VPS37A: variants seen among roughly 807,000 people sequenced by gnomAD.
VPS37A encodes the protein vacuolar protein sorting-associated protein 37A.
In VPS37A, 30 loss-of-function variants were observed where a neutral mutation model predicts 49.8. The observed-to-expected ratio is 0.60, with a 90% CI of 0.45 to 0.82. The LOEUF (loss-of-function observed/expected upper bound fraction) is 0.82, where lower values mean the gene tolerates loss of function less well. VPS37A is among the 40% of genes least tolerant of loss of function. The pLI is 0.00. For missense variants in VPS37A, 593 were observed against 464.4 expected, an observed-to-expected ratio of 1.28 and a Z score of -2.55; for synonymous variants, 195 against 160.6, an observed-to-expected ratio of 1.21 and a Z score of -1.62.
intron 2 of VPS37A, among the ~76,000 whole-genome samples, chr8:17,267,319 C>G (rs1341103727): frequency 6.6e-6 from 1 of 152,114 alleles, no homozygotes; most frequent in Non-Finnish European, 1.5e-5. Flanking sequence ...TCTGAACCAT[C>G]AGGGGAACAA....
intron 11 of VPS37A, among the ~76,000 whole-genome samples, chr8:17,294,706 T>TA: frequency 6.6e-6 from 1 of 152,264 alleles, no homozygotes; most frequent in African/African-American, 2.4e-5. Context: ...CCCTTGCACT[T>TA]ACCGGGTGAG....
In VPS37A at chr8:17,265,573, C is replaced by T. The variant is rs1813372214; in HGVS notation, c.126-334C>T. On this transcript the variant is annotated intron_variant, in intron 1 of 11. Transcript: ENST00000324849. ...GTTAAAACCCAGATGGATTGCTCAT[C>T]TGTATTAACCGGAGAGCACACAATT... 2.0e-5 allele frequency among the ~76,000 whole-genome samples: 3 copies of T among 152,194 alleles called. No individual in the cohort carries two copies. In the South Asian group the frequency reaches 6.2e-4, roughly 32 times the overall value.
chr8:17,294,710 G>A (rs188133861), intron 11 of VPS37A, among the ~76,000 whole-genome samples: 13 of 152,256 alleles, frequency 8.5e-5, no homozygotes, highest in Admixed American at 2.0e-4. Context: ...TGCACTTACC[G>A]GGTGAGGCAA....
In VPS37A at chr8:17,297,761, A is replaced by G. The variant is rs1816803110; in HGVS notation, c.*2775A>G. 6.6e-6 allele frequency: 1 copy of G among 152,142 alleles called. No individual in the cohort carries two copies. Among genetic ancestry groups the G allele is most frequent in the Middle Eastern group, 3.4e-3 (1 of 294 alleles). 9.4% of individuals were successfully genotyped at this position (152,142 alleles called of 1,614,324 possible). On this transcript the variant is annotated 3_prime_UTR_variant, in exon 12 of 12. Coordinates refer to ENST00000324849, the MANE Select transcript of VPS37A (RefSeq NM_152415.3). ...ATATTTTAGTCTTGTTGGGTTAGCC[A>G]TGCTCTGAAGAATCTGTGAAAGTAC...
chr8:17,319,232 C>T, the VPS37A span, among the ~76,000 whole-genome samples: 237 of 152,260 alleles, frequency 1.6e-3, 1 homozygote, highest in African/African-American at 5.5e-3. Flanking sequence ...TACTGAGCCT[C>T]GCTGTCTTCA....
chr8:17,331,234 C>A, the VPS37A span: 1 of 1,612,276 alleles, frequency 6.2e-7, no homozygotes, highest in Non-Finnish European at 8.5e-7. Flanking sequence ...GAATAATTGT[C>A]TTCATTCTCA....
chr8:17,279,846 C>G (rs1043961401), intron 6 of VPS37A, 182 bp from the exon 7 acceptor site: 2 of 729,044 alleles, frequency 2.7e-6, no homozygotes, highest in Non-Finnish European at 4.7e-6. Flanking sequence ...ACAGACTGCT[C>G]TATGTTCCAT....
chr8:17,306,166 G>A (rs770178033), downstream of VPS37A, among the ~76,000 whole-genome samples: 28 of 152,160 alleles, frequency 1.8e-4, no homozygotes, highest in South Asian at 1.0e-3. Flanking sequence ...GAAGGGATGC[G>A]TTCACGTTAT....
At position 17,297,570 on chromosome 8, in the gene VPS37A, T is replaced by TCAA. The variant is rs1341137407; in HGVS notation, c.*2586_*2588dup. 2 of 151,992 alleles carry TCAA rather than the reference T, an allele frequency of 1.3e-5. No individual in the cohort carries two copies. Among genetic ancestry groups the TCAA allele is most frequent in the East Asian group, 1.9e-4 (1 of 5,202 alleles). The allele number at this position is 151,992 out of a possible 1,614,324, so 9.4% of individuals were successfully genotyped here. A position where few individuals can be genotyped will look rare whatever the true frequency, so the allele number is the denominator to read the frequency against. On this transcript the variant is annotated 3_prime_UTR_variant, in exon 12 of 12. Transcript: ENST00000324849. Reference sequence around the variant, plus strand: ...AAAATTCTTACCTATTTATTTCATATCAACTTTAAAAAATAAATTACTTGC... The same window carrying TCAA: ...AAAATTCTTACCTATTTATTTCATATCAACAACTTTAAAAAATAAATTACTTGC...
chr8:17,247,017 C>G lies in VPS37A; in HGVS notation c.-228C>G, dbSNP rs947723408. 24 of 592,456 alleles carry G rather than the reference C, an allele frequency of 4.1e-5. No homozygotes were observed. The highest frequency in any genetic ancestry group is 3.4e-4 in the African/African-American group (18 of 53,250). The allele number at this position is 592,456 out of a possible 1,614,324, so 36.7% of individuals were successfully genotyped here. A position where few individuals can be genotyped will look rare whatever the true frequency, so the allele number is the denominator to read the frequency against. ...GGCGTCTGGGCCGTGAAGGTGGGAC[C>G]TCCTGTTCCGGGCCGCAAGTTTCCC... is the stretch of plus-strand genomic sequence containing the variant. On this transcript the variant is annotated 5_prime_UTR_variant, in exon 1 of 12. Transcript: ENST00000324849.
intron 4 of VPS37A, 143 bp downstream of exon 4, chr8:17,269,099 C>T: frequency 1.7e-6 from 1 of 600,626 alleles, no homozygotes; most frequent in East Asian, 3.0e-5. Flanking sequence ...TCAGAGGCAA[C>T]TGTTTTACTC....
the VPS37A span, among the ~76,000 whole-genome samples, chr8:17,325,234 C>G: frequency 6.6e-6 from 1 of 152,076 alleles, no homozygotes; most frequent in African/African-American, 2.4e-5. Flanking sequence ...GGCACCTTGG[C>G]AGGGAGACTA....
intron 11 of VPS37A, among the ~76,000 whole-genome samples, chr8:17,288,137 C>CA (rs775271627): frequency 4.6e-5 from 7 of 152,196 alleles, no homozygotes; most frequent in Non-Finnish European, 8.8e-5. Context: ...GAAGTAGACA[C>CA]AGAGTAGTTG....
the VPS37A span, among the ~76,000 whole-genome samples, chr8:17,318,051 A>C: frequency 6.6e-6 from 1 of 152,026 alleles, no homozygotes; most frequent in Non-Finnish European, 1.5e-5. Context: ...GACTCCCTAC[A>C]TCAAACTGAG....
At chr8:17,293,905 T>A (rs1816370921) in intron 11 of VPS37A, among the ~76,000 whole-genome samples, 1 of 152,204 alleles carries the variant, frequency 6.6e-6, no homozygotes, top group Admixed American at 6.5e-5. Flanking sequence ...CTGGGAGGTG[T>A]CTGCCTGTCA....
chr8:17,257,723 G>C (rs1005145049), intron 1 of VPS37A, among the ~76,000 whole-genome samples: 12 of 152,224 alleles, frequency 7.9e-5, no homozygotes, highest in African/African-American at 2.6e-4. Context: ...AATTTGCTTT[G>C]GGTAGTATTG....
rs1208154316 is a variant in VPS37A, at chr8:17,280,582, G to T, written c.969+139G>T. 6 of 712,310 alleles carry T rather than the reference G, an allele frequency of 8.4e-6. No individual in the cohort carries two copies. In the East Asian group the frequency reaches 1.4e-4, roughly 17 times the overall value. The allele number at this position is 712,310 out of a possible 1,614,324, so 44.1% of individuals were successfully genotyped here. On this transcript the variant is annotated intron_variant, in intron 9 of 11. Coordinates refer to ENST00000324849, the MANE Select transcript of VPS37A (RefSeq NM_152415.3). ...TATAAGACATGATACCTTTAAACGT[G>T]GATGAACAGCTCTCAGTGATGAGGC...
intron 11 of VPS37A, among the ~76,000 whole-genome samples, chr8:17,290,129 A>G (rs1460893108): frequency 1.3e-5 from 2 of 152,218 alleles, no homozygotes; most frequent in African/African-American, 4.8e-5. Flanking sequence ...TAAATATACA[A>G]TCGGGTCATC....
intron 9 of VPS37A, among the ~76,000 whole-genome samples, chr8:17,280,815 A>G (rs1488338297): frequency 1.3e-5 from 2 of 151,996 alleles, no homozygotes; most frequent in Non-Finnish European, 2.9e-5. Context: ...TAAAAAGAAT[A>G]ATATATGAAA....
Sources: gnomAD v4.1 joint callset for allele counts (sites outside exome capture counted in the v4.1 genomes callset) on GRCh38, gnomAD v4.1.1 for gene constraint, MANE v1.5 for transcripts, NCBI Gene and HGNC (gene_info 2026-07-23, HGNC 2026-07-21) for gene names.